UPB1: variants seen among roughly 807,000 people sequenced by gnomAD.
The protein encoded by UPB1 is beta-ureidopropionase 1, also known as beta-ureidopropionase.
A neutral mutation model predicts 49.1 loss-of-function variants in UPB1; 40 were observed. That is an observed-to-expected ratio of 0.81 (90% CI 0.63 to 1.06). The LOEUF (loss-of-function observed/expected upper bound fraction) is 1.06, where lower values mean the gene tolerates loss of function less well. Among genes scored for constraint, UPB1 ranks in the 50% least tolerant of loss-of-function variants. The pLI is 0.00. For missense variants in UPB1, 499 were observed against 505.9 expected (o/e 0.99, Z 0.13); for synonymous variants, 207 against 198.2 (o/e 1.04, Z -0.38).
intron 3 of UPB1, among the ~76,000 whole-genome samples, chr22:24,504,722 C>CA (rs2044054840): frequency 9.3e-6 from 1 of 107,478 alleles, no homozygotes; most frequent in East Asian, 2.6e-4. Flanking sequence ...TGTATTTCCT[C>CA]CTTTTTTTTT....
chr22:24,505,173 G>A (rs930060749), intron 3 of UPB1, among the ~76,000 whole-genome samples: 1 of 152,078 alleles, frequency 6.6e-6, no homozygotes, highest in South Asian at 2.1e-4. Context: ...AGTCCCTGTT[G>A]TATTACATCC....
At chr22:24,499,283 A>T (rs967333257) in intron 1 of UPB1, among the ~76,000 whole-genome samples, 18 of 151,998 alleles carry the variant, frequency 1.2e-4, no homozygotes, top group African/African-American at 4.1e-4. Flanking sequence ...TTATTTTTTG[A>T]TGTGTTTTCT....
Position 24,526,629 on chromosome 22 carries a change from G to C in UPB1, c.*835G>C, listed in dbSNP as rs926594144. ...TTGAATCTGACTGATACAGATTTTG[G>C]TGCCAAAAGTGGTTCTAGAAAAATA... On this transcript the variant is annotated 3_prime_UTR_variant, in exon 10 of 10. Coordinates refer to ENST00000326010, the MANE Select transcript of UPB1 (RefSeq NM_016327.3). The C allele has an allele frequency of 1.3e-5, 2 of 152,162 alleles. No homozygotes were observed. The highest frequency in any genetic ancestry group is 6.5e-5 in the Admixed American group (1 of 15,284). 9.4% of individuals were successfully genotyped at this position (152,162 alleles called of 1,614,324 possible).
rs1413990090 is a variant in UPB1, at chr22:24,525,842, T to G, written c.*48T>G. The G allele has an allele frequency of 1.2e-6, 2 of 1,607,144 alleles. No individual in the cohort carries two copies. The highest frequency in any genetic ancestry group is 3.3e-5 in the Admixed American group (2 of 59,986). On this transcript the variant is annotated 3_prime_UTR_variant, in exon 10 of 10. Transcript: ENST00000326010. ...GGTGAGGAAGACACCTCTGCCCCAGTGGATTAGCAAGTGTGGCAGGCTTAA... is the reference window on the plus strand; with the variant it reads ...GGTGAGGAAGACACCTCTGCCCCAGGGGATTAGCAAGTGTGGCAGGCTTAA...
At chr22:24,497,003 A>G (rs2043902704) in intron 1 of UPB1, among the ~76,000 whole-genome samples, 1 of 152,148 alleles carries the variant, frequency 6.6e-6, no homozygotes, top group African/African-American at 2.4e-5. Flanking sequence ...ACACATGGAC[A>G]TATGTGGAAC....
chr22:24,523,885 C>A (rs2147044505), intron 9 of UPB1, 112 bp downstream of exon 9: 2 of 1,505,922 alleles, frequency 1.3e-6, no homozygotes, highest in Non-Finnish European at 1.8e-6. Flanking sequence ...CCAGCTCCCA[C>A]CTGAGGGCTC....
chr22:24,503,859 TATTGCG>T lies in UPB1; in HGVS notation c.364+1651_364+1656del, dbSNP rs1424137239. 3 of 152,280 alleles carry T rather than the reference TATTGCG, an allele frequency of 2.0e-5. No homozygotes were observed. The East Asian group carries it at 5.8e-4, about 29-fold the overall frequency. 9.4% of individuals were successfully genotyped at this position (152,280 alleles called of 1,614,324 possible). The stretch of plus-strand genomic sequence containing the variant: ...TAAAAAAATCTTTAAACTTGTTTCC[TATTGCG>T]ATTGTGTGTTGAATTTGCACCTTCC... On this transcript the variant is annotated intron_variant, in intron 3 of 9. Transcript: ENST00000326010.
chr22:24,507,152 A>C (rs1255091086), intron 3 of UPB1, among the ~76,000 whole-genome samples: 2 of 152,216 alleles, frequency 1.3e-5, no homozygotes, highest in African/African-American at 2.4e-5. Flanking sequence ...ACAGGAAAAG[A>C]AGCTGCTTAT....
In UPB1 at chr22:24,511,670, G is replaced by A. The variant is rs1168291200; in HGVS notation, c.459+827G>A. 2.7e-5 allele frequency among the ~76,000 whole-genome samples: 4 copies of A among 148,022 alleles called. 1 individual carries two copies. Among genetic ancestry groups the A allele is most frequent in the Admixed American group, 1.4e-4 (2 of 14,700 alleles). ...ACTCTGTTGCCCAGGTTGGAGTGCA[G>A]TGGCACGATCTCGGTTCACTGCAAG... On this transcript the variant is annotated intron_variant, in intron 4 of 9. Coordinates refer to ENST00000326010, the MANE Select transcript of UPB1 (RefSeq NM_016327.3).
chr22:24,516,467 A>T (rs1449891241), intron 6 of UPB1: 1 of 152,228 alleles, frequency 6.6e-6, no homozygotes, highest in Non-Finnish European at 1.5e-5. Flanking sequence ...CACTACAAGT[A>T]ACAGAACTCT....
In UPB1 at chr22:24,523,618, G is replaced by A. The variant is rs143493067; in HGVS notation, c.917-1G>A. 1.9e-3 allele frequency: 3,058 copies of A among 1,614,200 alleles called. 7 individuals are homozygous for A. Among genetic ancestry groups the A allele is most frequent in the Non-Finnish European group, 2.2e-3 (2,591 of 1,180,028 alleles). Reference sequence around the variant, plus strand: ...AGATGTGTTTCTTTGTTCCTTTAAAGCTCACCAGGACTTTGGCTACTTTTA... The same window carrying A: ...AGATGTGTTTCTTTGTTCCTTTAAAACTCACCAGGACTTTGGCTACTTTTA... On this transcript the variant is annotated splice_acceptor_variant, in intron 8 of 9. Coordinates refer to ENST00000326010, the MANE Select transcript of UPB1 (RefSeq NM_016327.3). LOFTEE classifies it high-confidence loss of function.
rs774085923 is a variant in UPB1, at chr22:24,510,845, T to TAGG, written c.459+4_459+6dup. The TAGG allele has an allele frequency of 6.2e-7, 1 of 1,614,154 alleles. No individual in the cohort carries two copies. Among genetic ancestry groups the TAGG allele is most frequent in the South Asian group, 1.1e-5 (1 of 91,082 alleles). ...CCCACCACCAGATTCTGTCAGAAGG[T>TAGG]AGGACATTAACGGTGCCTCTGGCAG... On this transcript the variant is annotated splice_region_variant and intron_variant, in intron 4 of 9. Coordinates refer to ENST00000326010, the MANE Select transcript of UPB1 (RefSeq NM_016327.3).
rs531799879 is a variant in UPB1, at chr22:24,498,840, G to A, written c.105-1267G>A. ...GAGCTGTCTGGCTCCCAGGCCCACA[G>A]GCCTTCGAGGGAATAGACACATAAG... On this transcript the variant is annotated intron_variant, in intron 1 of 9. Coordinates refer to ENST00000326010, the MANE Select transcript of UPB1 (RefSeq NM_016327.3). Among the ~76,000 whole-genome samples the A allele has an allele frequency of 2.6e-5, 4 of 152,362 alleles. No homozygotes were observed. The South Asian group carries it at 6.2e-4, about 24-fold the overall frequency.
Position 24,526,164 on chromosome 22 carries a change from A to G in UPB1, c.*370A>G. 2.8e-6 allele frequency: 1 copy of G among 354,100 alleles called. No homozygotes were observed. Among genetic ancestry groups the G allele is most frequent in the Non-Finnish European group, 5.5e-6 (1 of 181,466 alleles). 21.9% of individuals were successfully genotyped at this position (354,100 alleles called of 1,614,324 possible). A position where few individuals can be genotyped will look rare whatever the true frequency, so the allele number is the denominator to read the frequency against. On this transcript the variant is annotated 3_prime_UTR_variant, in exon 10 of 10. Transcript: ENST00000326010. ...CTGTCCATCCCGTACACCAGTGGGA[A>G]GAGGGTGAGGGCTGATCCAGAGACC...
intron 7 of UPB1, among the ~76,000 whole-genome samples, chr22:24,521,763 C>T (rs1391719328): frequency 6.6e-6 from 1 of 152,148 alleles, no homozygotes; most frequent in Non-Finnish European, 1.5e-5. Context: ...GGTTTTTACC[C>T]CGCTTGTCAA....
In UPB1 at chr22:24,526,629, G is replaced by A. The variant is rs926594144; in HGVS notation, c.*835G>A. 6.6e-6 allele frequency: 1 copy of A among 152,162 alleles called. No homozygotes were observed. Among genetic ancestry groups the A allele is most frequent in the African/African-American group, 2.4e-5 (1 of 41,422 alleles). 9.4% of individuals were successfully genotyped at this position (152,162 alleles called of 1,614,324 possible). ...TTGAATCTGACTGATACAGATTTTGGTGCCAAAAGTGGTTCTAGAAAAATA... is the reference window on the plus strand; with the variant it reads ...TTGAATCTGACTGATACAGATTTTGATGCCAAAAGTGGTTCTAGAAAAATA... On this transcript the variant is annotated 3_prime_UTR_variant, in exon 10 of 10. Transcript: ENST00000326010.
intron 3 of UPB1, among the ~76,000 whole-genome samples, chr22:24,507,065 CT>C (rs1374215838): frequency 2.6e-5 from 4 of 152,196 alleles, no homozygotes; most frequent in Non-Finnish European, 5.9e-5. Flanking sequence ...GTAGTTGGGA[CT>C]TTGCAGCCAG....
At chr22:24,496,460 G>A (rs2043888715) in intron 1 of UPB1, among the ~76,000 whole-genome samples, 2 of 151,282 alleles carry the variant, frequency 1.3e-5, no homozygotes, top group Admixed American at 6.6e-5. Context: ...GGATAATCCC[G>A]GATGATCTTA....
chr22:24,523,702 C>G lies in UPB1; in HGVS notation c.1000C>G (p.Arg334Gly). 6.2e-7 allele frequency: 1 copy of G among 1,614,274 alleles called. No individual in the cohort carries two copies. The highest frequency in any genetic ancestry group is 8.5e-7 in the Non-Finnish European group (1 of 1,180,048). ...SSRTPGLSRSRDGLLVAKLDL... is the reference protein window; with the variant it reads ...SSRTPGLSRSGDGLLVAKLDL... ...CCGGACTCCTGGGCTGTCCCGTAGCCGGGATGGACTGCTAGTTGCTAAGCT... is the reference window on the plus strand; with the variant it reads ...CCGGACTCCTGGGCTGTCCCGTAGCGGGGATGGACTGCTAGTTGCTAAGCT... The change falls in exon 9 of 10, where the codon CGG becomes GGG. Residue 334 changes from arginine (R) to glycine (G), a missense_variant. Physicochemically the swap from Arg to Gly is moderately radical, Grantham distance 125. Coordinates refer to ENST00000326010, the MANE Select transcript of UPB1 (RefSeq NM_016327.3).
Sources: gnomAD v4.1 joint callset for allele counts (sites outside exome capture counted in the v4.1 genomes callset) on GRCh38, gnomAD v4.1.1 for gene constraint, MANE v1.5 for transcripts, NCBI Gene and HGNC (gene_info 2026-07-23, HGNC 2026-07-21) for gene names.